The following INTS9 variants were observed in gnomAD, a reference collection of about 807,000 sequenced individuals.
INTS9 encodes the protein integrator complex subunit 9.
INTS9 carries 55 observed loss-of-function variants against 79.7 expected under a neutral mutation model. That is an observed-to-expected ratio of 0.69 (90% CI 0.56 to 0.86). The LOEUF (loss-of-function observed/expected upper bound fraction) is 0.86, where lower values mean the gene tolerates loss of function less well. INTS9 is among the 40% of genes least tolerant of loss of function. INTS9 has a pLI of 0.00. For synonymous variants in INTS9, 319 were observed against 325.2 expected (o/e 0.98, Z 0.20); for missense variants, 721 against 831.5 (o/e 0.87, Z 1.64).
Position 28,859,586 on chromosome 8 carries a change from G to T in INTS9, c.10-23C>A. 5 of 1,612,276 alleles carry T rather than the reference G, an allele frequency of 3.1e-6. No individual in the cohort carries two copies. In the South Asian group the frequency reaches 3.3e-5, roughly 11 times the overall value. ...ATACTGAAAAAAATTAAATCACTTT[G>T]ATCAGTAATCAATTACAGAAGAATC... On this transcript the variant is annotated intron_variant, in intron 1 of 16. Transcript: ENST00000521022.
At position 28,781,072 on chromosome 8, in the gene INTS9, C is replaced by T. The variant is rs757591494; in HGVS notation, c.1099-78G>A. On this transcript the variant is annotated intron_variant, in intron 11 of 16. Coordinates refer to ENST00000521022, the MANE Select transcript of INTS9 (RefSeq NM_018250.4). The stretch of plus-strand genomic sequence containing the variant: ...GGGAACCAAAGTACGGGAGGGTGAG[C>T]GGGACTGGATCTAAAATACCAACAA... The T allele has an allele frequency of 3.3e-4, 376 of 1,140,084 alleles. 2 individuals carry two copies. Among genetic ancestry groups the T allele is most frequent in the Non-Finnish European group, 4.3e-4 (339 of 790,346 alleles). 70.6% of individuals were successfully genotyped at this position (1,140,084 alleles called of 1,614,324 possible).
chr8:28,778,015 C>T, intron 12 of INTS9, 62 bp from the exon 13 acceptor site: 1 of 1,506,654 alleles, frequency 6.6e-7, no homozygotes. Flanking sequence ...CCAAGCCAGA[C>T]AGCAACTGGG....
Position 28,862,601 on chromosome 8 carries a change from A to G in INTS9, c.10-3038T>C, listed in dbSNP as rs534896534. ...ACTAACTGGGTCAAAAAAGATGAGT[A>G]TTTTATGGCTCTTTCAATCTGCCAA... On this transcript the variant is annotated intron_variant, in intron 1 of 16. Coordinates refer to ENST00000521022, the MANE Select transcript of INTS9 (RefSeq NM_018250.4). 4.6e-5 allele frequency among the ~76,000 whole-genome samples: 7 copies of G among 152,288 alleles called. No homozygotes were observed. The East Asian group carries it at 1.4e-3, about 29-fold the overall frequency.
At chr8:28,808,436 G>A (rs1162092079) in intron 8 of INTS9, among the ~76,000 whole-genome samples, 1 of 152,036 alleles carries the variant, frequency 6.6e-6, no homozygotes, top group African/African-American at 2.4e-5. Flanking sequence ...TGCCTGCCTT[G>A]GTCTCCCAAA....
intron 11 of INTS9, among the ~76,000 whole-genome samples, chr8:28,785,836 A>C (rs1450209096): frequency 6.6e-6 from 1 of 152,178 alleles, no homozygotes; most frequent in African/African-American, 2.4e-5. Flanking sequence ...GTTCACACCA[A>C]TACCATCAAT....
At chr8:28,860,579 C>T (rs960639170) in intron 1 of INTS9, among the ~76,000 whole-genome samples, 1 of 151,806 alleles carries the variant, frequency 6.6e-6, no homozygotes, top group African/African-American at 2.4e-5. Flanking sequence ...CTGGTTCAAG[C>T]GATTCTCCTG....
chr8:28,817,369 A>G (rs1004137389), intron 6 of INTS9, among the ~76,000 whole-genome samples: 11 of 152,204 alleles, frequency 7.2e-5, no homozygotes, highest in Non-Finnish European at 1.6e-4. Flanking sequence ...AGCTTTCTCC[A>G]TATGGCTAGC....
At chr8:28,835,576 C>G (rs991789046) in intron 5 of INTS9, among the ~76,000 whole-genome samples, 198 bp from the exon 6 acceptor site, 5 of 152,164 alleles carry the variant, frequency 3.3e-5, no homozygotes, top group African/African-American at 1.2e-4. Flanking sequence ...TATTGCATTT[C>G]CATGCTAAAA....
At chr8:28,794,210 G>C (rs1212214391) in intron 9 of INTS9, among the ~76,000 whole-genome samples, 1 of 152,190 alleles carries the variant, frequency 6.6e-6, no homozygotes, top group African/African-American at 2.4e-5. Flanking sequence ...CCTGGGAATA[G>C]AGCATGTGAC....
chr8:28,866,464 A>T (rs1376178042), intron 1 of INTS9, among the ~76,000 whole-genome samples: 1 of 152,090 alleles, frequency 6.6e-6, no homozygotes, highest in Non-Finnish European at 1.5e-5. Flanking sequence ...AACACTCTTA[A>T]AGCACTGGCC....
At chr8:28,847,212 T>C (rs1175041542) in intron 3 of INTS9, among the ~76,000 whole-genome samples, 1 of 152,166 alleles carries the variant, frequency 6.6e-6, no homozygotes, top group Non-Finnish European at 1.5e-5. Flanking sequence ...GATCAGAAAC[T>C]GGGGATGAGG....
intron 6 of INTS9, among the ~76,000 whole-genome samples, chr8:28,824,805 C>T (rs1374003033): frequency 1.3e-5 from 2 of 152,222 alleles, no homozygotes; most frequent in Non-Finnish European, 2.9e-5. Flanking sequence ...TCTAGGTTTA[C>T]ATCTGGGAGT....
chr8:28,822,624 T>C (rs1303349274), intron 6 of INTS9, among the ~76,000 whole-genome samples: 2 of 152,098 alleles, frequency 1.3e-5, no homozygotes, highest in East Asian at 3.9e-4. Context: ...ACCATCATCA[T>C]GAACTCAAGG....
chr8:28,809,897 G>A (rs1260248715), intron 8 of INTS9, among the ~76,000 whole-genome samples: 1 of 152,166 alleles, frequency 6.6e-6, no homozygotes, highest in Non-Finnish European at 1.5e-5. Context: ...AAATAATACA[G>A]AATGGCAGCT....
intron 1 of INTS9, among the ~76,000 whole-genome samples, chr8:28,883,417 T>C (rs1810002437): frequency 6.6e-6 from 1 of 152,158 alleles, no homozygotes; most frequent in Admixed American, 6.5e-5. Context: ...CATGTGAGGA[T>C]AGATCAAAGA....
chr8:28,881,834 G>A (rs1432346854), intron 1 of INTS9, among the ~76,000 whole-genome samples: 29 of 144,428 alleles, frequency 2.0e-4, no homozygotes, highest in African/African-American at 7.4e-4. Flanking sequence ...GGGTGGTGGG[G>A]GGGTCAGCCC....
At chr8:28,808,505 T>C (rs1005338208) in intron 8 of INTS9, among the ~76,000 whole-genome samples, 1 of 152,122 alleles carries the variant, frequency 6.6e-6, no homozygotes, top group Non-Finnish European at 1.5e-5. Context: ...ACGTGACAAC[T>C]CTCCAGTTTG....
chr8:28,846,718 T>G, intron 4 of INTS9, 29 bp downstream of exon 4: 1 of 1,541,032 alleles, frequency 6.5e-7, no homozygotes, highest in Non-Finnish European at 9.0e-7. Context: ...TAAGGTTTGT[T>G]TCTACAATAA....
chr8:28,877,074 GAACT>G (rs1474363643), intron 1 of INTS9, among the ~76,000 whole-genome samples: 13 of 152,070 alleles, frequency 8.5e-5, no homozygotes, highest in African/African-American at 3.1e-4. Context: ...ATTTTACTGT[GAACT>G]AATAATTCTA....
Sources: allele counts gnomAD v4.1 joint callset (sites outside exome capture counted in the v4.1 genomes callset), GRCh38; gene constraint gnomAD v4.1.1; transcripts MANE v1.5; gene names NCBI Gene and HGNC (gene_info 2026-07-23, HGNC 2026-07-21).